Variants in ORC5 observed in about 807,000 individuals in gnomAD.
ORC5 encodes origin recognition complex subunit 5.
A neutral mutation model predicts 58.8 loss-of-function variants in ORC5; 39 were observed. The observed-to-expected ratio is 0.66, with a 90% CI of 0.51 to 0.87. The LOEUF is 0.87. ORC5 is among the 40% of genes least tolerant of loss of function. The pLI, the probability that ORC5 is intolerant of heterozygous loss-of-function variation, is 0.00. For synonymous variants in ORC5, 218 were observed against 177.6 expected (o/e 1.23, Z -1.81); for missense variants, 493 against 506.3 (o/e 0.97, Z 0.25).
At chr7:104,175,027 G>C (rs1357920815) in intron 8 of ORC5, among the ~76,000 whole-genome samples, 2 of 152,152 alleles carry the variant, frequency 1.3e-5, no homozygotes, top group African/African-American at 4.8e-5. Flanking sequence ...TCGCCTGCTT[G>C]GCCTTCCTCC....
chr7:104,140,582 G>A (rs567700617), intron 12 of ORC5, among the ~76,000 whole-genome samples: 76 of 152,246 alleles, frequency 5.0e-4, no homozygotes, highest in African/African-American at 1.8e-3. Flanking sequence ...AATTTGTTGA[G>A]GCAGCTAGGT....
intron 12 of ORC5, among the ~76,000 whole-genome samples, chr7:104,154,069 T>G (rs1207684642): frequency 6.6e-6 from 1 of 152,102 alleles, no homozygotes; most frequent in African/African-American, 2.4e-5. Flanking sequence ...AAAAAGGACA[T>G]GAGTATAATT....
At chr7:104,193,070 AAC>A (rs1376534860) in intron 5 of ORC5, among the ~76,000 whole-genome samples, 1 of 152,066 alleles carries the variant, frequency 6.6e-6, no homozygotes, top group Non-Finnish European at 1.5e-5. Flanking sequence ...TATTTGAAGA[AAC>A]ACTGCCTGAA....
chr7:104,181,735 T>C (rs1394474478), intron 8 of ORC5, among the ~76,000 whole-genome samples: 1 of 147,404 alleles, frequency 6.8e-6, no homozygotes, highest in Non-Finnish European at 1.5e-5. Flanking sequence ...GAGCTTGTAG[T>C]GAGCCGAGAT....
At chr7:104,131,228 T>C (rs1161783211) in intron 13 of ORC5, among the ~76,000 whole-genome samples, 1 of 152,144 alleles carries the variant, frequency 6.6e-6, no homozygotes, top group Non-Finnish European at 1.5e-5. Context: ...GTCTCCTCCT[T>C]CTCGGAGAAA....
chr7:104,207,001 GA>G (rs1800103598), intron 1 of ORC5, among the ~76,000 whole-genome samples: 1 of 152,044 alleles, frequency 6.6e-6, no homozygotes, highest in South Asian at 2.1e-4. Flanking sequence ...CATTTCTCAG[GA>G]CGTATCCCCC....
intron 12 of ORC5, among the ~76,000 whole-genome samples, chr7:104,159,286 A>C (rs539398834): frequency 7.9e-6 from 1 of 125,968 alleles, no homozygotes; most frequent in African/African-American, 3.1e-5. Context: ...ATGAGAACAC[A>C]TGGACACAGG....
At chr7:104,177,506 T>C (rs1799346280) in intron 8 of ORC5, among the ~76,000 whole-genome samples, 1 of 152,210 alleles carries the variant, frequency 6.6e-6, no homozygotes, top group Non-Finnish European at 1.5e-5. Flanking sequence ...CTAACATATA[T>C]AATTCTGTAC....
intron 11 of ORC5, among the ~76,000 whole-genome samples, chr7:104,164,215 C>T (rs1318383560): frequency 2.0e-5 from 3 of 152,052 alleles, no homozygotes; most frequent in East Asian, 3.9e-4. Flanking sequence ...AGACCAGCCT[C>T]GAACTCCTGG....
chr7:104,130,981 C>T (rs558234370), intron 13 of ORC5, among the ~76,000 whole-genome samples: 178 of 152,282 alleles, frequency 1.2e-3, no homozygotes, highest in Non-Finnish European at 2.0e-3. Context: ...AACCCCAGTA[C>T]GATGTGATTT....
Position 104,138,173 on chromosome 7 carries a change from T to A in ORC5, c.1150-1280A>T, listed in dbSNP as rs1798620158. Among the ~76,000 whole-genome samples, 2 of 152,162 alleles carry A rather than the reference T, an allele frequency of 1.3e-5. No individual in the cohort carries two copies. Among genetic ancestry groups the A allele is most frequent in the Admixed American group, 1.3e-4 (2 of 15,286 alleles). The stretch of plus-strand genomic sequence containing the variant: ...TCCTGTTTCACTGGGATTACTGGTG[T>A]GAGTCACTGCACTCAGCCCAACCAA... On this transcript the variant is annotated intron_variant, in intron 12 of 13. Coordinates refer to ENST00000297431, the MANE Select transcript of ORC5 (RefSeq NM_002553.4). This position sits in a 1 kb window ranked among gnomAD's most constrained non-coding sequence, Gnocchi z 4.7.
chr7:104,159,008 T>C (rs113163146), intron 12 of ORC5, among the ~76,000 whole-genome samples: 79,114 of 133,396 alleles, frequency 0.59, 21,164 homozygotes, highest in Non-Finnish European at 0.65. Context: ...AATCACGCTG[T>C]TATAAAGACA....
chr7:104,205,630 T>C (rs1026445157), intron 1 of ORC5, among the ~76,000 whole-genome samples: 7 of 152,158 alleles, frequency 4.6e-5, no homozygotes, highest in South Asian at 4.1e-4. Context: ...CTGCTAAAAA[T>C]AGACTAAAAA....
chr7:104,168,205 A>G, intron 9 of ORC5: 1 of 893,348 alleles, frequency 1.1e-6, no homozygotes, highest in Non-Finnish European at 1.5e-6. Flanking sequence ...TAATAAAAGC[A>G]TTTAAAGAAA....
At chr7:104,207,096 C>T (rs1800106900) in intron 1 of ORC5, among the ~76,000 whole-genome samples, 1 of 152,150 alleles carries the variant, frequency 6.6e-6, no homozygotes, top group African/African-American at 2.4e-5. Context: ...AATTCTCATT[C>T]ACTCTCTTCG....
intron 3 of ORC5, among the ~76,000 whole-genome samples, chr7:104,199,605 T>C (rs1799889294): frequency 6.6e-6 from 1 of 152,284 alleles, no homozygotes. Flanking sequence ...ATTTACCCAT[T>C]GCCTGTATCT....
intron 8 of ORC5, among the ~76,000 whole-genome samples, chr7:104,179,014 T>A (rs1239535947): frequency 1.3e-5 from 2 of 151,800 alleles, no homozygotes; most frequent in African/African-American, 2.4e-5. Flanking sequence ...AACAGAAACA[T>A]GACAGAAAGG....
intron 13 of ORC5, among the ~76,000 whole-genome samples, chr7:104,132,603 C>T (rs1205482757): frequency 6.6e-6 from 1 of 152,118 alleles, no homozygotes; most frequent in Non-Finnish European, 1.5e-5. Flanking sequence ...TGAATTTTTA[C>T]TGCTAATCAC....
At chr7:104,178,676 G>C (rs991527797) in intron 8 of ORC5, among the ~76,000 whole-genome samples, 1 of 152,064 alleles carries the variant, frequency 6.6e-6, no homozygotes, top group African/African-American at 2.4e-5. Context: ...TTTTCTTCTA[G>C]GGTTTTTATG....
Sources: gnomAD v4.1 joint callset for allele counts (sites outside exome capture counted in the v4.1 genomes callset) on GRCh38, gnomAD v4.1.1 for gene constraint, Gnocchi (gnomAD v3.1) non-coding constraint, MANE v1.5 for transcripts, NCBI Gene and HGNC (gene_info 2026-07-23, HGNC 2026-07-21) for gene names.